The following CPNE3 variants were observed in gnomAD, a reference collection of about 807,000 sequenced individuals.
CPNE3 encodes copine 3.
Under a neutral mutation model 63.9 loss-of-function variants are expected in CPNE3, and 68 were observed. That is an observed-to-expected ratio of 1.06 (90% CI 0.87 to 1.30). The LOEUF (loss-of-function observed/expected upper bound fraction) is 1.30. Among genes scored for constraint, CPNE3 ranks in the 50% most tolerant of loss-of-function variants. The pLI is 0.00. For synonymous variants in CPNE3, 219 were observed against 197.5 expected, an observed-to-expected ratio of 1.11 and a Z score of -0.91; for missense variants, 665 against 578.1, an observed-to-expected ratio of 1.15 and a Z score of -1.54.
intron 2 of CPNE3, among the ~76,000 whole-genome samples, chr8:86,524,220 A>G (rs1820492366): frequency 6.6e-6 from 1 of 152,140 alleles, no homozygotes; most frequent in Non-Finnish European, 1.5e-5. Flanking sequence ...ATCTAAGAGT[A>G]GGTTTAAGGA....
At chr8:86,556,795 A>G (rs1389099109) in intron 16 of CPNE3, among the ~76,000 whole-genome samples, 2 of 152,156 alleles carry the variant, frequency 1.3e-5, no homozygotes, top group African/African-American at 4.8e-5. Flanking sequence ...TTGCCCTTTT[A>G]TAACCACATC....
At chr8:86,531,985 A>C (rs1049215146) in intron 5 of CPNE3, among the ~76,000 whole-genome samples, 1 of 152,204 alleles carries the variant, frequency 6.6e-6, no homozygotes, top group Non-Finnish European at 1.5e-5. Context: ...CCAAAGGCAT[A>C]AGAATGTTCA....
At chr8:86,524,901 G>A (rs944351734) in intron 2 of CPNE3, 1 of 102,418 alleles carries the variant, frequency 9.8e-6, no homozygotes, top group East Asian at 2.1e-4. Flanking sequence ...TGTCGCCCAG[G>A]TTGGAATGCA....
At position 86,544,850 on chromosome 8, in the gene CPNE3, C is replaced by T; in HGVS notation, c.732+12C>T. ...CCAGAAGCTCACCTGTAAGTTACAT[C>T]CTTGCATTTGCATATACTTTATAGT... On this transcript the variant is annotated intron_variant, in intron 9 of 16. Transcript: ENST00000517490. 6.7e-7 allele frequency: 1 copy of T among 1,495,112 alleles called. No homozygotes were observed. Among genetic ancestry groups the T allele is most frequent in the East Asian group, 2.3e-5 (1 of 42,702 alleles). 92.6% of individuals were successfully genotyped at this position (1,495,112 alleles called of 1,614,324 possible). A position where few individuals can be genotyped will look rare whatever the true frequency, so the allele number is the denominator to read the frequency against.
At chr8:86,518,866 A>G (rs1385835639) in intron 2 of CPNE3, among the ~76,000 whole-genome samples, 1 of 152,016 alleles carries the variant, frequency 6.6e-6, no homozygotes, top group African/African-American at 2.4e-5. Context: ...TCCACCTCCC[A>G]GGCTCAAGCA....
chr8:86,537,608 A>C lies in CPNE3; in HGVS notation c.505A>C (p.Thr169Pro). ...CCCATACCTGGAATTCCACAAGCAG[A>C]CATCTGATGGAAACTGGCTAATGGT... is the stretch of plus-strand genomic sequence containing the variant. Reference protein sequence around the residue: ...SDPYLEFHKQTSDGNWLMVHR... With the variant: ...SDPYLEFHKQPSDGNWLMVHR... The change falls in exon 7 of 17, where the codon ACA becomes CCA. Residue 169 changes from threonine (T) to proline (P), a missense_variant. Transcript: ENST00000517490. The C allele has an allele frequency of 5.6e-6, 9 of 1,611,100 alleles. No homozygotes were observed. Among genetic ancestry groups the C allele is most frequent in the Non-Finnish European group, 7.6e-6 (9 of 1,177,310 alleles).
Position 86,528,421 on chromosome 8 carries a change from C to T in CPNE3, c.-10-115C>T, listed in dbSNP as rs1586831761. 4 of 1,140,534 alleles carry T rather than the reference C, an allele frequency of 3.5e-6. No individual in the cohort carries two copies. In the Middle Eastern group the frequency reaches 8.2e-4, roughly 233 times the overall value. 70.7% of individuals were successfully genotyped at this position (1,140,534 alleles called of 1,614,324 possible). A position where few individuals can be genotyped will look rare whatever the true frequency, so the allele number is the denominator to read the frequency against. ...TAACAGTCTGATTCTGGCAAGTTCACTCTATAAGCCTATTGTGACAATTGG... is the reference window on the plus strand; with the variant it reads ...TAACAGTCTGATTCTGGCAAGTTCATTCTATAAGCCTATTGTGACAATTGG... On this transcript the variant is annotated intron_variant, in intron 2 of 16. Transcript: ENST00000517490.
In CPNE3 at chr8:86,540,374, C is replaced by A. The variant is rs778043522; in HGVS notation, c.633+40C>A. On this transcript the variant is annotated intron_variant, in intron 8 of 16. Coordinates refer to ENST00000517490, the MANE Select transcript of CPNE3 (RefSeq NM_003909.5). ...TATATATATAAAATACTTAAATATA[C>A]CCATGTTCACCTATTTTATAAAATT... 10 of 907,880 alleles carry A rather than the reference C, an allele frequency of 1.1e-5. No individual in the cohort carries two copies. The Admixed American group carries it at 2.6e-4, about 23-fold the overall frequency. 56.2% of individuals were successfully genotyped at this position (907,880 alleles called of 1,614,324 possible). A position where few individuals can be genotyped will look rare whatever the true frequency, so the allele number is the denominator to read the frequency against.
intron 2 of CPNE3, among the ~76,000 whole-genome samples, chr8:86,516,686 G>A (rs371025945): frequency 3.9e-5 from 6 of 152,030 alleles, no homozygotes; most frequent in African/African-American, 7.2e-5. Flanking sequence ...CACCACACCC[G>A]GCCCTATCAA....
chr8:86,555,115 T>C, intron 15 of CPNE3, 131 bp downstream of exon 15: 1 of 1,314,508 alleles, frequency 7.6e-7, no homozygotes, highest in Non-Finnish European at 1.0e-6. Flanking sequence ...ATTCTTGGTT[T>C]GGGAGTAACT....
At chr8:86,532,091 T>C (rs143967599) in intron 5 of CPNE3, among the ~76,000 whole-genome samples, 2 of 152,292 alleles carry the variant, frequency 1.3e-5, no homozygotes, top group African/African-American at 4.8e-5. Flanking sequence ...GAAGAATGAG[T>C]TTTTCAGTTA....
At chr8:86,529,454 A>C (rs558449336) in intron 4 of CPNE3, among the ~76,000 whole-genome samples, 2 of 152,312 alleles carry the variant, frequency 1.3e-5, no homozygotes, top group South Asian at 4.1e-4. Flanking sequence ...ATTCAAGATA[A>C]CAGCAACTTC....
intron 2 of CPNE3, among the ~76,000 whole-genome samples, chr8:86,525,509 G>A (rs1157029765): frequency 6.6e-6 from 1 of 152,176 alleles, no homozygotes; most frequent in Non-Finnish European, 1.5e-5. Context: ...TTTCAGAGAG[G>A]AATGCTGCTA....
chr8:86,524,513 G>T (rs1381197245), intron 2 of CPNE3, among the ~76,000 whole-genome samples: 2 of 152,098 alleles, frequency 1.3e-5, no homozygotes, highest in African/African-American at 4.8e-5. Context: ...GGAAGCTGTT[G>T]TCTAATCCTA....
intron 8 of CPNE3, among the ~76,000 whole-genome samples, chr8:86,544,156 G>T (rs1346276566): frequency 6.6e-6 from 1 of 152,064 alleles, no homozygotes; most frequent in Admixed American, 6.6e-5. Flanking sequence ...TCTTAGCCTG[G>T]AATTGTTCCT....
intron 7 of CPNE3, among the ~76,000 whole-genome samples, chr8:86,538,293 T>A (rs977314905): frequency 2.0e-5 from 3 of 152,138 alleles, no homozygotes; most frequent in Non-Finnish European, 4.4e-5. Flanking sequence ...AAGAATTGCT[T>A]GAACCCAGGA....
rs1563702495 is a variant in CPNE3, at chr8:86,556,082, A to G, written c.1255-20A>G. On this transcript the variant is annotated intron_variant, in intron 15 of 16. Coordinates refer to ENST00000517490, the MANE Select transcript of CPNE3 (RefSeq NM_003909.5). ...CCATTGCTTGACTTGCTCAGGGGAC[A>G]TGTTTTCTTTTTCTGGCAGCAATAT... The G allele has an allele frequency of 1.1e-6, 1 of 870,334 alleles. No individual in the cohort carries two copies. The highest frequency in any genetic ancestry group is 2.0e-6 in the Non-Finnish European group (1 of 499,470). 53.9% of individuals were successfully genotyped at this position (870,334 alleles called of 1,614,324 possible).
intron 14 of CPNE3, chr8:86,551,498 C>T (rs1413532488): frequency 2.6e-5 from 9 of 340,736 alleles, no homozygotes; most frequent in Admixed American, 9.0e-5. Flanking sequence ...ACCTTAAGAA[C>T]TTTAATAGGA....
At chr8:86,516,944 G>A (rs533807127) in intron 2 of CPNE3, among the ~76,000 whole-genome samples, 3 of 152,272 alleles carry the variant, frequency 2.0e-5, no homozygotes, top group African/African-American at 7.2e-5. Context: ...GCTCACCAAA[G>A]CATGATATTT....
Sources: gnomAD v4.1 joint callset for allele counts (sites outside exome capture counted in the v4.1 genomes callset) on GRCh38, gnomAD v4.1.1 for gene constraint, MANE v1.5 for transcripts, NCBI Gene and HGNC (gene_info 2026-07-23, HGNC 2026-07-21) for gene names.